LAMA1: variants seen among roughly 807,000 people sequenced by gnomAD.
The protein encoded by LAMA1 is laminin subunit alpha 1.
Under a neutral mutation model 348.7 loss-of-function variants are expected in LAMA1, and 219 were observed. That is an observed-to-expected ratio of 0.63 (90% CI 0.56 to 0.70). LAMA1 has a LOEUF of 0.70. LAMA1 is among the 30% of genes least tolerant of loss of function. The pLI, the probability that LAMA1 is intolerant of heterozygous loss-of-function variation, is 0.00. For synonymous variants in LAMA1, 1,487 were observed against 1,491.0 expected (o/e 1.00, Z 0.06); for missense variants, 3,744 against 3,888.0 (o/e 0.96, Z 0.99).
chr18:7,023,650 A>G (rs1291117266), intron 18 of LAMA1, among the ~76,000 whole-genome samples: 2 of 152,108 alleles, frequency 1.3e-5, no homozygotes, highest in Admixed American at 1.3e-4. Flanking sequence ...CGGATGCCGC[A>G]CAGCCTCCTG....
intron 22 of LAMA1, among the ~76,000 whole-genome samples, chr18:7,014,933 G>A (rs530761432): frequency 9.9e-5 from 15 of 151,854 alleles, no homozygotes; most frequent in East Asian, 9.8e-4. Context: ...TGCAAGCTCC[G>A]CCTCCCGGGT....
rs201100909 is a variant in LAMA1 at position 7,079,631 on chromosome 18, T to TA, written c.345+343dup. 2.6e-3 allele frequency: 950 copies of TA among 372,238 alleles called. 8 individuals carry two copies. The highest frequency in any genetic ancestry group is 0.016 in the African/African-American group (747 of 48,152). The allele number at this position is 372,238 out of a possible 1,614,324, so 23.1% of individuals were successfully genotyped here. A position where few individuals can be genotyped will look rare whatever the true frequency, so the allele number is the denominator to read the frequency against. ...AGACAGTAAGCTAAAAGTTAGGAAA[T>TA]ACATGTGTTTTCCCCCTCTCCCTCC... On this transcript the variant is annotated intron_variant, in intron 3 of 62. Transcript: ENST00000389658.
chr18:7,038,072 G>T, intron 11 of LAMA1, among the ~76,000 whole-genome samples: 1 of 152,310 alleles, frequency 6.6e-6, no homozygotes, highest in African/African-American at 2.4e-5. Flanking sequence ...TCAGCAAAAT[G>T]TCTCTTGCTA....
intron 41 of LAMA1, among the ~76,000 whole-genome samples, chr18:6,981,034 T>C (rs1196378382): frequency 2.7e-5 from 4 of 145,754 alleles, no homozygotes; most frequent in Non-Finnish European, 4.5e-5. Context: ...ACCCGGGAGG[T>C]GGAACTTGCA....
rs1230232008 is a variant in LAMA1, at chr18:7,002,154, A to T, written c.4382+110T>A. The T allele has an allele frequency of 1.1e-5, 15 of 1,399,246 alleles. No homozygotes were observed. In the African/African-American group the frequency reaches 2.1e-4, roughly 20 times the overall value. The allele number at this position is 1,399,246 out of a possible 1,614,324, so 86.7% of individuals were successfully genotyped here. On this transcript the variant is annotated intron_variant, in intron 30 of 62. Coordinates refer to ENST00000389658, the MANE Select transcript of LAMA1 (RefSeq NM_005559.4). ...TTCTTAAAATTAGCCTTTTGCAACC[A>T]ATGGAGAATATTCATTAACAACAGA...
intron 29 of LAMA1, among the ~76,000 whole-genome samples, chr18:7,005,330 T>C (rs1463979455): frequency 6.6e-6 from 1 of 152,192 alleles, no homozygotes; most frequent in Non-Finnish European, 1.5e-5. Context: ...GGCACTGGCT[T>C]AGAAAGAATC....
At chr18:7,103,467 C>T (rs917904589) in intron 1 of LAMA1, among the ~76,000 whole-genome samples, 1 of 151,776 alleles carries the variant, frequency 6.6e-6, no homozygotes, top group African/African-American at 2.4e-5. Flanking sequence ...TCTATCCATT[C>T]TCTTTCTTAG....
rs1286638455 is a variant in LAMA1, at chr18:6,977,823, A to G, written c.6249T>C (p.Asp2083=). The change falls in exon 44 of 63, where the codon GAT becomes GAC. Residue 2083 remains aspartate, a synonymous_variant. Coordinates refer to ENST00000389658, the MANE Select transcript of LAMA1 (RefSeq NM_005559.4). ...DVEIQANLLF[D]RLKPLKMLEE... ...CTAACATCTTCAAAGGCTTCAACCG[A>G]TCAAACAAAAGGTTGGCTTGAATTT... is the stretch of plus-strand genomic sequence containing the variant. 6.2e-7 allele frequency: 1 copy of G among 1,614,162 alleles called. No individual in the cohort carries two copies. The highest frequency in any genetic ancestry group is 2.2e-5 in the East Asian group (1 of 44,882).
chr18:7,082,089 T>G lies in LAMA1; in HGVS notation c.62-1632A>C, dbSNP rs144856335. Among the ~76,000 whole-genome samples, 319 of 152,212 alleles carry G rather than the reference T, an allele frequency of 2.1e-3. 2 individuals carry two copies. Among genetic ancestry groups the G allele is most frequent in the African/African-American group, 7.3e-3 (304 of 41,556 alleles). On this transcript the variant is annotated intron_variant, in intron 1 of 62. Transcript: ENST00000389658. Reference sequence around the variant, plus strand: ...GCTACACTAAAAACCTTACCATGCATCTATTAAAAAAATACATTAGGTAGT... The same window carrying G: ...GCTACACTAAAAACCTTACCATGCAGCTATTAAAAAAATACATTAGGTAGT...
chr18:6,986,358 T>C lies in LAMA1; in HGVS notation c.5169-11A>G. The C allele has an allele frequency of 1.2e-6, 2 of 1,612,402 alleles. No individual in the cohort carries two copies. The highest frequency in any genetic ancestry group is 1.7e-6 in the Non-Finnish European group (2 of 1,178,620). On this transcript the variant is annotated splice_polypyrimidine_tract_variant and intron_variant, in intron 36 of 62. Coordinates refer to ENST00000389658, the MANE Select transcript of LAMA1 (RefSeq NM_005559.4). ...AAATCTTCAGCAGCCCTGATAAATATGAATGGTTCACATAGTAAGTAAATG... is the reference window on the plus strand; with the variant it reads ...AAATCTTCAGCAGCCCTGATAAATACGAATGGTTCACATAGTAAGTAAATG...
At chr18:6,956,312 A>T (rs1227574260) in intron 56 of LAMA1, 2 of 443,796 alleles carry the variant, frequency 4.5e-6, no homozygotes, top group Admixed American at 3.3e-5. Flanking sequence ...CTTTACATGA[A>T]GTACTTATTT....
intron 16 of LAMA1, among the ~76,000 whole-genome samples, chr18:7,028,337 G>A (rs1465635893): frequency 1.3e-5 from 2 of 152,052 alleles, no homozygotes; most frequent in African/African-American, 4.8e-5. Context: ...ACACACCAAG[G>A]CACAGTCAAA....
rs145026691 is a variant in LAMA1, at chr18:6,973,187, A to G, written c.6644T>C (p.Leu2215Pro). Residue 2215 changes from leucine (L) to proline (P), a missense_variant, in exon 47 of 63, where the codon CTG (leucine) becomes CCG (proline). Physicochemically the swap from Leu to Pro is moderately conservative, Grantham distance 98 (BLOSUM62 -3). Coordinates refer to ENST00000389658, the MANE Select transcript of LAMA1 (RefSeq NM_005559.4). ...ATTTGAGCTCATTTCCTTTACACTCAGTGAACCAATGTTTCCAAATCTAAG... is the reference window on the plus strand; with the variant it reads ...ATTTGAGCTCATTTCCTTTACACTCGGTGAACCAATGTTTCCAAATCTAAG... ...HVARFGNIGSLSVKEMSSNQK... is the reference protein window; with the variant it reads ...HVARFGNIGSPSVKEMSSNQK... The G allele has an allele frequency of 3.1e-6, 5 of 1,614,086 alleles. No individual in the cohort carries two copies. Among genetic ancestry groups the G allele is most frequent in the Non-Finnish European group, 4.2e-6 (5 of 1,180,034 alleles).
chr18:7,113,531 G>T (rs1025291279), intron 1 of LAMA1, among the ~76,000 whole-genome samples: 2 of 152,160 alleles, frequency 1.3e-5, no homozygotes, highest in African/African-American at 4.8e-5. Context: ...AAACATGAAG[G>T]AAAGTAAGTC....
intron 57 of LAMA1, among the ~76,000 whole-genome samples, chr18:6,952,515 C>G (rs2002237): frequency 0.76 from 115,538 of 152,130 alleles, 44,311 homozygotes; most frequent in East Asian, 0.84. Context: ...AGAGGGAGTG[C>G]AGCACAGAGG....
intron 3 of LAMA1, 46 bp downstream of exon 3, chr18:7,079,929 G>A (rs2143782137): frequency 7.4e-7 from 1 of 1,358,210 alleles, no homozygotes; most frequent in Non-Finnish European, 1.1e-6. Flanking sequence ...GAAGACCACA[G>A]CTCAGCAGCC....
intron 38 of LAMA1, 60 bp from the exon 39 acceptor site, chr18:6,985,460 G>A (rs2057730310): frequency 6.2e-7 from 1 of 1,603,408 alleles, no homozygotes; most frequent in Admixed American, 1.7e-5. Context: ...AGATATGTGT[G>A]CATATAGAAA....
intron 34 of LAMA1, 70 bp downstream of exon 34, chr18:6,995,287 A>C: frequency 9.8e-7 from 1 of 1,018,932 alleles, no homozygotes; most frequent in South Asian, 1.3e-5. Context: ...AGACAGCCCC[A>C]AGGCAACTGC....
intron 46 of LAMA1, among the ~76,000 whole-genome samples, chr18:6,974,459 T>TTC (rs1555646259): frequency 1.6e-4 from 24 of 146,384 alleles, no homozygotes; most frequent in African/African-American, 6.1e-4. Flanking sequence ...TCTTTTCTTT[T>TTC]TTTTTTTTTT....
Sources: allele counts gnomAD v4.1 joint callset (sites outside exome capture counted in the v4.1 genomes callset), GRCh38; gene constraint gnomAD v4.1.1; transcripts MANE v1.5; gene names NCBI Gene and HGNC (gene_info 2026-07-23, HGNC 2026-07-21).